Variants in DDAH1 observed in about 807,000 individuals in gnomAD.
DDAH1 encodes N(G),N(G)-dimethylarginine dimethylaminohydrolase 1.
DDAH1 carries 19 observed loss-of-function variants against 28.8 expected under a neutral mutation model. The observed-to-expected ratio is 0.66, with a 90% CI of 0.46 to 0.97. The LOEUF is 0.97. DDAH1 is among the 50% of genes least tolerant of loss of function. The probability of loss-of-function intolerance (pLI) is 0.00; values close to 1 mark genes in which losing one functional copy is unlikely to be tolerated. For synonymous variants in DDAH1, 153 were observed against 154.4 expected (o/e 0.99, Z 0.07); for missense variants, 326 against 375.9 (o/e 0.87, Z 1.10).
At chr1:85,363,547 T>C (rs762363135) in intron 1 of DDAH1, among the ~76,000 whole-genome samples, 67 of 152,228 alleles carry the variant, frequency 4.4e-4, no homozygotes, top group Admixed American at 1.7e-3. Context: ...GGTAGTGAGA[T>C]GGTTTCATCT....
chr1:85,323,069 G>A (rs1661418335), intron 5 of DDAH1, among the ~76,000 whole-genome samples: 1 of 152,104 alleles, frequency 6.6e-6, no homozygotes, highest in Non-Finnish European at 1.5e-5. Context: ...TTTTCCTCAG[G>A]TTCACACTTT....
chr1:85,514,212 G>T (rs1387981522), intron 1 of DDAH1, among the ~76,000 whole-genome samples: 1 of 152,122 alleles, frequency 6.6e-6, no homozygotes, highest in African/African-American at 2.4e-5. Context: ...CCATAAAAAA[G>T]GATGGGTTCA....
At chr1:85,357,195 A>G (rs1649533753) in intron 2 of DDAH1, among the ~76,000 whole-genome samples, 1 of 152,180 alleles carries the variant, frequency 6.6e-6, no homozygotes, top group African/African-American at 2.4e-5. Context: ...CTGCTTGGGC[A>G]CACCCAGAGA....
chr1:85,379,363 A>G (rs1650859652), intron 1 of DDAH1, among the ~76,000 whole-genome samples: 1 of 152,190 alleles, frequency 6.6e-6, no homozygotes, highest in Non-Finnish European at 1.5e-5. Context: ...GTGCCCAACT[A>G]TGCTCTCTTC....
rs182343699 is a variant in DDAH1, at chr1:85,566,387, G to A, written c.-123+11597C>T. ...CACACCTGTAGTCCCAGCTACTCAG[G>A]AGACTGATGTGGGAGGATGGCTCGA... is the stretch of plus-strand genomic sequence containing the variant. On this transcript the variant is annotated intron_variant, in intron 1 of 6. Coordinates refer to the DDAH1 transcript ENST00000426972. Among the ~76,000 whole-genome samples the A allele has an allele frequency of 1.2e-4, 18 of 151,326 alleles. No homozygotes were observed. In the East Asian group the frequency reaches 3.5e-3, roughly 30 times the overall value.
intron 1 of DDAH1, among the ~76,000 whole-genome samples, chr1:85,431,882 T>G (rs1226449280): frequency 6.6e-6 from 1 of 152,202 alleles, no homozygotes; most frequent in Non-Finnish European, 1.5e-5. Flanking sequence ...GCTTTGAAAT[T>G]AATACAAGAG....
Position 85,405,874 on chromosome 1 carries a change from G to A in DDAH1, c.304-47027C>T, listed in dbSNP as rs749328985. 3.7e-4 allele frequency among the ~76,000 whole-genome samples: 56 copies of A among 152,232 alleles called. No homozygotes were observed. The Middle Eastern group carries it at 0.01, about 28-fold the overall frequency. On this transcript the variant is annotated intron_variant, in intron 1 of 5. Coordinates refer to ENST00000284031, the MANE Select transcript of DDAH1 (RefSeq NM_012137.4). ...AATGAATGCTCTCAGCCACTCACTC[G>A]AATACGTTTCTTTTGAAATTAGAAG...
exon 2 of DDAH1, chr1:85,496,210 T>C: frequency 2.0e-6 from 2 of 985,336 alleles, no homozygotes; most frequent in South Asian, 9.4e-5. Flanking sequence ...GCTCTTGCTT[T>C]GTATTTTGAA....
At chr1:85,533,460 G>C (rs544608959) in intron 1 of DDAH1, among the ~76,000 whole-genome samples, 1 of 152,188 alleles carries the variant, frequency 6.6e-6, no homozygotes, top group African/African-American at 2.4e-5. Context: ...AGCCAAGAAA[G>C]TATTATAAAA....
At chr1:85,530,348 T>C (rs496981) in intron 1 of DDAH1, among the ~76,000 whole-genome samples, 23,383 of 152,266 alleles carry the variant, frequency 0.15, 1,924 homozygotes, top group South Asian at 0.22. Flanking sequence ...TTGCCGTCAC[T>C]GTCCTAAGTA....
intron 1 of DDAH1, among the ~76,000 whole-genome samples, chr1:85,385,190 T>G (rs2100916159): frequency 6.6e-6 from 1 of 152,360 alleles, no homozygotes; most frequent in South Asian, 2.1e-4. Context: ...AGAGTACCTT[T>G]GCTGAAGAAC....
At chr1:85,578,084 G>C in exon 1 of DDAH1, 1 of 894,034 alleles carries the variant, frequency 1.1e-6, no homozygotes, top group East Asian at 1.2e-4. Context: ...GGGGTTTCTG[G>C]ACGGTCTTTG....
intron 1 of DDAH1, among the ~76,000 whole-genome samples, chr1:85,384,171 G>T (rs535112234): frequency 6.6e-6 from 1 of 152,220 alleles, no homozygotes; most frequent in South Asian, 2.1e-4. Context: ...TCTCATTTCT[G>T]CGTGAGTTCT....
chr1:85,551,794 G>C (rs1557753892), intron 1 of DDAH1, among the ~76,000 whole-genome samples: 1 of 152,242 alleles, frequency 6.6e-6, no homozygotes, highest in Non-Finnish European at 1.5e-5. Flanking sequence ...GGTGTTAACT[G>C]ATGGCTAAGA....
chr1:85,337,926 T>G (rs566280528), intron 4 of DDAH1, among the ~76,000 whole-genome samples: 2 of 152,336 alleles, frequency 1.3e-5, no homozygotes, highest in East Asian at 3.9e-4. Flanking sequence ...TATCCTTCTG[T>G]GCAATCCACA....
At chr1:85,554,689 A>C (rs1404480486) in intron 1 of DDAH1, among the ~76,000 whole-genome samples, 1 of 152,242 alleles carries the variant, frequency 6.6e-6, no homozygotes, top group Non-Finnish European at 1.5e-5. Context: ...AAATGGAGAA[A>C]TTGGCTTTAA....
intron 2 of DDAH1, chr1:85,494,968 T>G (rs965642047): frequency 1.3e-5 from 2 of 152,240 alleles, no homozygotes; most frequent in Non-Finnish European, 2.9e-5. Flanking sequence ...CACCTTCTAG[T>G]CAGACTAGCC....
rs1661342185 is a variant in DDAH1 at position 85,321,490 on chromosome 1, A to ATAT, written c.819_820insATA (p.Thr273_Cys274insIle). 2 of 1,614,034 alleles carry ATAT rather than the reference A, an allele frequency of 1.2e-6. No individual in the cohort carries two copies. Among genetic ancestry groups the ATAT allele is most frequent in the African/African-American group, 2.7e-5 (2 of 74,940 alleles). ...TTCTTGTTAATTAAAACTGAGCAGC[A>ATAT]GGTGAGCAGCCCATCCACCTTTTCC... On this transcript the variant is annotated inframe_insertion, in exon 6 of 6. Coordinates refer to ENST00000284031, the MANE Select transcript of DDAH1 (RefSeq NM_012137.4).
At chr1:85,421,482 A>G (rs985035912) in intron 1 of DDAH1, among the ~76,000 whole-genome samples, 4 of 151,890 alleles carry the variant, frequency 2.6e-5, no homozygotes, top group Admixed American at 2.0e-4. Flanking sequence ...TTAAGTTTGC[A>G]TACATTGAGG....
Sources: allele counts gnomAD v4.1 joint callset (sites outside exome capture counted in the v4.1 genomes callset), GRCh38; gene constraint gnomAD v4.1.1; transcripts MANE v1.5; gene names NCBI Gene and HGNC (gene_info 2026-07-23, HGNC 2026-07-21).